Variants in SORCS2 observed in about 807,000 individuals in gnomAD.
SORCS2 encodes the protein sortilin related VPS10 domain containing receptor 2, also known as VPS10 domain-containing receptor SorCS2.
In SORCS2, 100 loss-of-function variants were observed where a neutral mutation model predicts 141.6. That is an observed-to-expected ratio of 0.71 (90% CI 0.60 to 0.83). The LOEUF (loss-of-function observed/expected upper bound fraction) is 0.83. Among genes scored for constraint, SORCS2 ranks in the 40% least tolerant of loss-of-function variants. The probability of loss-of-function intolerance (pLI) is 0.00; values close to 1 mark genes in which losing one functional copy is unlikely to be tolerated. For missense variants in SORCS2, 1,646 were observed against 1,560.2 expected (o/e 1.05, Z -0.93); for synonymous variants, 789 against 676.9 (o/e 1.17, Z -2.57).
intron 2 of SORCS2, among the ~76,000 whole-genome samples, chr4:7,411,420 C>G (rs1725300245): frequency 6.6e-6 from 1 of 152,032 alleles, no homozygotes; most frequent in African/African-American, 2.4e-5. Flanking sequence ...CCCATGTATC[C>G]ATCCACCTAT....
intron 2 of SORCS2, among the ~76,000 whole-genome samples, chr4:7,412,070 T>C (rs1008221643): frequency 6.6e-6 from 1 of 152,190 alleles, no homozygotes; most frequent in Non-Finnish European, 1.5e-5. Flanking sequence ...GTGGCAGAAA[T>C]GCAGCTGCTG....
rs60976971 is a variant in SORCS2 at position 7,328,018 on chromosome 4, C to CTTTTT, written c.481-68249_481-68245dup. On this transcript the variant is annotated intron_variant, in intron 1 of 26. Coordinates refer to ENST00000507866, the MANE Select transcript of SORCS2 (RefSeq NM_020777.3). Reference sequence around the variant, plus strand: ...ACTGTGTGCTGAGCCTCGTGCTAGGCTTTTTTTTTTTTTTTTTTTTTTTTT... The same window carrying CTTTTT: ...ACTGTGTGCTGAGCCTCGTGCTAGGCTTTTTTTTTTTTTTTTTTTTTTTTTTTTTT... 5.0e-4 allele frequency among the ~76,000 whole-genome samples: 44 copies of CTTTTT among 88,744 alleles called. 2 individuals carry two copies. Among genetic ancestry groups the CTTTTT allele is most frequent in the African/African-American group, 8.3e-4 (20 of 24,108 alleles). 58.2% of individuals were successfully genotyped at this position (88,744 alleles called of 152,430 possible).
chr4:7,692,896 G>T (rs1213585208), intron 11 of SORCS2, among the ~76,000 whole-genome samples: 1 of 152,180 alleles, frequency 6.6e-6, no homozygotes, highest in African/African-American at 2.4e-5. Flanking sequence ...CCATCCTCAG[G>T]TCCAGCCTCC....
chr4:7,703,471 C>T lies in SORCS2; in HGVS notation c.1760+100C>T, dbSNP rs1003857463. On this transcript the variant is annotated intron_variant, in intron 13 of 26. Coordinates refer to ENST00000507866, the MANE Select transcript of SORCS2 (RefSeq NM_020777.3). ...ACTAGTCCCCAGAATGTCCTCCCCT[C>T]GGGGACACATGATCACAGAGCAACT... 46 of 905,144 alleles carry T rather than the reference C, an allele frequency of 5.1e-5. No individual in the cohort carries two copies. The African/African-American group carries it at 5.3e-4, about 10-fold the overall frequency. 56.1% of individuals were successfully genotyped at this position (905,144 alleles called of 1,614,324 possible).
chr4:7,728,242 G>T (rs1427527747), intron 21 of SORCS2, 108 bp from the exon 22 acceptor site: 16 of 688,830 alleles, frequency 2.3e-5, no homozygotes, highest in South Asian at 3.7e-5. Flanking sequence ...TGAATCAAAG[G>T]CCTCCCGGGA....
intron 2 of SORCS2, among the ~76,000 whole-genome samples, chr4:7,525,683 G>A (rs537899015): frequency 2.7e-4 from 40 of 150,786 alleles, no homozygotes; most frequent in African/African-American, 8.3e-4. Flanking sequence ...CCCCAACTCA[G>A]TCACCTGTCC....
chr4:7,728,448 C>A lies in SORCS2; in HGVS notation c.2968C>A (p.Arg990=). The change falls in exon 22 of 27, where the codon CGG becomes AGG. Residue 990 remains arginine, a synonymous_variant. Transcript: ENST00000507866. The stretch of plus-strand genomic sequence containing the variant: ...GGAAGACGTGGGCCTGGTGGTCACC[C>A]GGCTGCTCTCCAAGGTGTCCACCCA... The part of the protein sequence containing the change: ...WREDVGLVVT[R]LLSKETSVPQ... 6.2e-7 allele frequency: 1 copy of A among 1,611,994 alleles called. No homozygotes were observed. Among genetic ancestry groups the A allele is most frequent in the South Asian group, 1.1e-5 (1 of 90,628 alleles).
intron 2 of SORCS2, among the ~76,000 whole-genome samples, chr4:7,475,396 C>T (rs890177106): frequency 1.3e-5 from 2 of 152,142 alleles, no homozygotes; most frequent in Non-Finnish European, 2.9e-5. Flanking sequence ...TGAGGAGGCC[C>T]GGATGCCTCT....
intron 19 of SORCS2, among the ~76,000 whole-genome samples, chr4:7,724,742 G>A (rs202022869): frequency 0.084 from 1,701 of 20,220 alleles, 31 homozygotes; most frequent in African/African-American, 0.15. Flanking sequence ...GGTGGTAGTA[G>A]TGGTGATGGT....
intron 3 of SORCS2, among the ~76,000 whole-genome samples, chr4:7,559,616 G>A (rs1036294770): frequency 1.3e-5 from 2 of 152,142 alleles, no homozygotes; most frequent in African/African-American, 4.8e-5. Context: ...TGGGATCGAG[G>A]CATCAGCTGG....
chr4:7,327,163 G>A (rs1344603557), intron 1 of SORCS2, among the ~76,000 whole-genome samples: 2 of 152,242 alleles, frequency 1.3e-5, no homozygotes, highest in Non-Finnish European at 2.9e-5. Context: ...CCGAGCTGGG[G>A]GCGTCAAACA....
intron 3 of SORCS2, among the ~76,000 whole-genome samples, chr4:7,582,533 T>G (rs1716226924): frequency 6.6e-6 from 1 of 152,178 alleles, no homozygotes; most frequent in Non-Finnish European, 1.5e-5. Flanking sequence ...AACCTGGCGC[T>G]AAGCCATTCG....
At chr4:7,225,111 T>C (rs1728922292) in intron 1 of SORCS2, among the ~76,000 whole-genome samples, 1 of 152,232 alleles carries the variant, frequency 6.6e-6, no homozygotes, top group South Asian at 2.1e-4. Flanking sequence ...CCATGTAGAC[T>C]TTCTTGATTA....
chr4:7,570,255 C>G (rs1392982051), intron 3 of SORCS2, among the ~76,000 whole-genome samples: 1 of 152,156 alleles, frequency 6.6e-6, no homozygotes, highest in South Asian at 2.1e-4. Flanking sequence ...AAGCAGAGGC[C>G]GGTGGAGCCC....
At chr4:7,446,855 T>C (rs1290306768) in intron 2 of SORCS2, among the ~76,000 whole-genome samples, 3 of 152,188 alleles carry the variant, frequency 2.0e-5, no homozygotes, top group African/African-American at 4.8e-5. Flanking sequence ...ACTAAGCCAT[T>C]GTGAATGTCA....
intron 1 of SORCS2, among the ~76,000 whole-genome samples, chr4:7,388,908 G>T (rs1723672689): frequency 6.6e-6 from 1 of 152,102 alleles, no homozygotes. Flanking sequence ...TGGTGTTGTG[G>T]TGTTGTGGTG....
chr4:7,686,308 T>G (rs1231358200), intron 10 of SORCS2, among the ~76,000 whole-genome samples: 2 of 152,252 alleles, frequency 1.3e-5, no homozygotes, highest in Admixed American at 1.3e-4. Context: ...GTCACTCTTC[T>G]AAGGCGTGAG....
intron 2 of SORCS2, among the ~76,000 whole-genome samples, chr4:7,510,237 C>T (rs1342549329): frequency 2.6e-5 from 4 of 152,206 alleles, no homozygotes; most frequent in Non-Finnish European, 4.4e-5. Context: ...GCCGGCGGGG[C>T]TGAGGCTCCC....
rs148094159 is a variant in SORCS2 at position 7,476,888 on chromosome 4, A to C, written c.549-54642A>C. Among the ~76,000 whole-genome samples, 474 of 152,346 alleles carry C rather than the reference A, an allele frequency of 3.1e-3. 5 individuals carry two copies. Among genetic ancestry groups the C allele is most frequent in the African/African-American group, 0.011 (441 of 41,568 alleles). Reference sequence around the variant, plus strand: ...AGGGGCAGGTCTTCCTTAGACAGCCAGGTTCAAATCTCCAACTCAGTGCTA... The same window carrying C: ...AGGGGCAGGTCTTCCTTAGACAGCCCGGTTCAAATCTCCAACTCAGTGCTA... On this transcript the variant is annotated intron_variant, in intron 2 of 26. Transcript: ENST00000507866.
Sources: gnomAD v4.1 joint callset for allele counts (sites outside exome capture counted in the v4.1 genomes callset) on GRCh38, gnomAD v4.1.1 for gene constraint, MANE v1.5 for transcripts, NCBI Gene and HGNC (gene_info 2026-07-23, HGNC 2026-07-21) for gene names.